Variants in PLCE1 observed in about 807,000 individuals in gnomAD.
PLCE1 encodes 1-phosphatidylinositol 4,5-bisphosphate phosphodiesterase epsilon-1.
A neutral mutation model predicts 242.8 loss-of-function variants in PLCE1; 119 were observed. The observed-to-expected ratio is 0.49, with a 90% confidence interval of 0.42 to 0.57. PLCE1 has a LOEUF of 0.57. Among genes scored for constraint, PLCE1 ranks in the 20% least tolerant of loss-of-function variants. The probability of loss-of-function intolerance (pLI) is 0.00; values close to 1 mark genes in which losing one functional copy is unlikely to be tolerated. For synonymous variants in PLCE1, 945 were observed against 1,017.4 expected (o/e 0.93, Z 1.35); for missense variants, 2,441 against 2,788.8 (o/e 0.88, Z 2.81).
rs549101577 is a variant in PLCE1 at position 94,191,364 on chromosome 10, G to T, written c.1809+19868G>T. Among the ~76,000 whole-genome samples the T allele has an allele frequency of 2.4e-3, 366 of 152,252 alleles. 1 individual carries two copies. Among genetic ancestry groups the T allele is most frequent in the Middle Eastern group, 0.01 (3 of 294 alleles). ...GTAGTTAAAGAAACTTGGGCTGGAC[G>T]GGCACAGGCGCTCATGTCTGTGATC... On this transcript the variant is annotated intron_variant, in intron 4 of 32. Coordinates refer to ENST00000371380, the MANE Select transcript of PLCE1 (RefSeq NM_016341.4).
intron 3 of PLCE1, among the ~76,000 whole-genome samples, chr10:94,150,619 T>C (rs557239897): frequency 2.6e-5 from 4 of 152,324 alleles, no homozygotes; most frequent in African/African-American, 9.6e-5. Context: ...TGCTGTATCA[T>C]CTCCTATCTT....
In PLCE1 at chr10:94,322,150, G is replaced by A. The variant is rs182127312; in HGVS notation, c.6501+91G>A. 2,453 of 1,243,734 alleles carry A rather than the reference G, an allele frequency of 2.0e-3. 6 individuals carry two copies. Among genetic ancestry groups the A allele is most frequent in the Non-Finnish European group, 2.4e-3 (2,060 of 849,696 alleles). 77.0% of individuals were successfully genotyped at this position (1,243,734 alleles called of 1,614,324 possible). ...TGCACTGATGGCTCATTTTATGAGT[G>A]AAGTTCCTCAACAACAGGGACCTCA... On this transcript the variant is annotated intron_variant, in intron 30 of 32. Transcript: ENST00000371380.
intron 26 of PLCE1, 44 bp from the exon 27 acceptor site, chr10:94,308,537 G>A (rs756095023): frequency 7.5e-7 from 1 of 1,324,910 alleles, no homozygotes; most frequent in Non-Finnish European, 1.1e-6. Flanking sequence ...CTTCTTTTCA[G>A]TAGCCATGGT....
rs200439178 is a variant in PLCE1, at chr10:94,324,402, C to A, written c.6555C>A (p.Ser2185Arg). The change falls in exon 31 of 33, where the codon AGC becomes AGA. Residue 2185 changes from serine (S) to arginine (R), a missense_variant. Ser to Arg is a moderately radical substitution (Grantham distance 110, BLOSUM62 -1). Coordinates refer to ENST00000371380, the MANE Select transcript of PLCE1 (RefSeq NM_016341.4). ...GCATCCTGAGCAACCCCAATCCAAG[C>A]GACTATGTGCTTTTGGAAGAGGTGG... is the stretch of plus-strand genomic sequence containing the variant. ...SYSILSNPNP[S>R]DYVLLEEVVK... is the part of the protein sequence containing the mutation. 6.2e-7 allele frequency: 1 copy of A among 1,614,142 alleles called. No individual in the cohort carries two copies. The highest frequency in any genetic ancestry group is 8.5e-7 in the Non-Finnish European group (1 of 1,180,022).
intron 2 of PLCE1, among the ~76,000 whole-genome samples, chr10:94,033,151 G>A (rs2061595207): frequency 6.6e-6 from 1 of 151,954 alleles, no homozygotes; most frequent in South Asian, 2.1e-4. Flanking sequence ...GAGCATTCTT[G>A]AACTTTGGTG....
Position 94,298,694 on chromosome 10 carries a change from G to A in PLCE1, c.5458+25G>A, listed in dbSNP as rs968297178. ...GGTAAGGGGCCTGCATGCTCACCTC[G>A]CTCCTTTGCATCTTACATTTCAGTA... On this transcript the variant is annotated intron_variant, in intron 24 of 32. Coordinates refer to ENST00000371380, the MANE Select transcript of PLCE1 (RefSeq NM_016341.4). The surrounding 1 kb of genome is among the most constrained non-coding windows in gnomAD (Gnocchi z 5.2). The A allele has an allele frequency of 5.0e-6, 8 of 1,612,514 alleles. No individual in the cohort carries two copies. The highest frequency in any genetic ancestry group is 2.2e-5 in the East Asian group (1 of 44,888).
chr10:94,123,232 A>C (rs553548135), intron 2 of PLCE1, among the ~76,000 whole-genome samples: 1 of 152,262 alleles, frequency 6.6e-6, no homozygotes, highest in South Asian at 2.1e-4. Flanking sequence ...GGATTGGAAG[A>C]AGTTGTATGG....
Position 94,306,584 on chromosome 10 carries a change from A to C in PLCE1, c.5780A>C (p.His1927Pro). The change falls in exon 26 of 33, where the codon CAC becomes CCC. Residue 1927 changes from histidine (H) to proline (P), a missense_variant. His to Pro is a moderately conservative substitution (Grantham distance 77). Around this residue, in one of 5 missense-constraint regions of PLCE1, gnomAD observed 1,004 missense variants for 1,322.7 expected, o/e 0.76. Coordinates refer to ENST00000371380, the MANE Select transcript of PLCE1 (RefSeq NM_016341.4). This position sits in a 1 kb window ranked among gnomAD's most constrained non-coding sequence, Gnocchi z 5.7. ...NPMWNEQFLF[H>P]VHFEDLVFLR... ...ATGTGGAACGAGCAGTTTCTGTTCC[A>C]CGTTCACTTCGAAGATCTTGTATTT... The C allele has an allele frequency of 6.2e-7, 1 of 1,613,878 alleles. No homozygotes were observed. Among genetic ancestry groups the C allele is most frequent in the Non-Finnish European group, 8.5e-7 (1 of 1,179,938 alleles).
chr10:94,279,969 T>TTTTTCTTTC, intron 20 of PLCE1, 58 bp downstream of exon 20: 1 of 1,571,782 alleles, frequency 6.4e-7, no homozygotes, highest in Admixed American at 1.7e-5. Context: ...ATTTGCCACA[T>TTTTTCTTTC]TTTTCTTTCT....
chr10:94,031,085 T>G lies in PLCE1; in HGVS notation c.39T>G (p.Pro13=). ...SEEMTASVLI[P]VTQRKVVSAQ... ...AAATGACAGCTTCTGTTCTCATACC[T>G]GTGACTCAGAGAAAAGTGGTTTCTG... Residue 13 remains proline (P), a synonymous_variant, in exon 2 of 33, where the codon CCT becomes CCG. Transcript: ENST00000371380. 6.2e-7 allele frequency: 1 copy of G among 1,613,528 alleles called. No homozygotes were observed. The highest frequency in any genetic ancestry group is 8.5e-7 in the Non-Finnish European group (1 of 1,179,538).
At chr10:94,141,429 T>C (rs550081397) in intron 3 of PLCE1, among the ~76,000 whole-genome samples, 1 of 151,096 alleles carries the variant, frequency 6.6e-6, no homozygotes, top group South Asian at 2.1e-4. Context: ...TAATTCTCCA[T>C]AAAGTTTTGA....
chr10:94,091,976 A>G (rs1055913423), intron 2 of PLCE1, among the ~76,000 whole-genome samples: 4 of 152,104 alleles, frequency 2.6e-5, no homozygotes, highest in Admixed American at 2.6e-4. Flanking sequence ...ATTTTATAGC[A>G]GAAAAGAAAA....
chr10:94,068,550 T>C (rs2044263487), intron 2 of PLCE1, among the ~76,000 whole-genome samples: 1 of 152,198 alleles, frequency 6.6e-6, no homozygotes. Context: ...ATAAGGAACT[T>C]AAGCATGTGG....
intron 7 of PLCE1, among the ~76,000 whole-genome samples, chr10:94,242,598 AC>A (rs1214800231): frequency 3.3e-5 from 5 of 152,224 alleles, no homozygotes; most frequent in African/African-American, 1.2e-4. Flanking sequence ...GATGTGAGCC[AC>A]TGCGCATGGC....
intron 2 of PLCE1, among the ~76,000 whole-genome samples, chr10:94,060,922 C>G (rs1042750156): frequency 8.5e-6 from 1 of 118,144 alleles, no homozygotes; most frequent in Admixed American, 7.3e-5. Context: ...GTCTCAAACT[C>G]CTGGGCTCAA....
intron 4 of PLCE1, among the ~76,000 whole-genome samples, chr10:94,219,243 T>C (rs181195304): frequency 7.2e-5 from 11 of 152,260 alleles, no homozygotes. Context: ...GTCAAGGTTC[T>C]TTTTTCAGTT....
At chr10:94,288,171 C>T (rs1395286302) in intron 22 of PLCE1, among the ~76,000 whole-genome samples, 3 of 152,146 alleles carry the variant, frequency 2.0e-5, no homozygotes, top group Non-Finnish European at 4.4e-5. Flanking sequence ...TTTTAGCGCA[C>T]CTGTCACCCA....
At chr10:94,091,429 G>A (rs532423582) in intron 2 of PLCE1, among the ~76,000 whole-genome samples, 2 of 152,142 alleles carry the variant, frequency 1.3e-5, no homozygotes, top group Non-Finnish European at 2.9e-5. Context: ...TGCAGAGTTG[G>A]TTACAACACA....
intron 32 of PLCE1, 86 bp downstream of exon 32, chr10:94,325,190 T>G: frequency 1.0e-6 from 1 of 988,798 alleles, no homozygotes; most frequent in Non-Finnish European, 1.6e-6. Flanking sequence ...ATGTCTTTTA[T>G]CTTTTCCAAC....
Sources: gnomAD v4.1 joint callset for allele counts (sites outside exome capture counted in the v4.1 genomes callset) on GRCh38, gnomAD v4.1.1 for gene constraint, gnomAD v4.1.1 regional missense constraint, Gnocchi (gnomAD v3.1) non-coding constraint, MANE v1.5 for transcripts, NCBI Gene and HGNC (gene_info 2026-07-23, HGNC 2026-07-21) for gene names.